Variants in BCAT2 observed in about 807,000 individuals in gnomAD.
The protein encoded by BCAT2 is branched-chain-amino-acid aminotransferase, mitochondrial.
In BCAT2, 44 loss-of-function variants were observed where a neutral mutation model predicts 52.9. That is an observed-to-expected ratio of 0.83 (90% CI 0.65 to 1.07). The LOEUF is 1.07. Among genes scored for constraint, BCAT2 ranks in the 50% least tolerant of loss-of-function variants. BCAT2 has a pLI of 0.00. For synonymous variants in BCAT2, 215 were observed against 217.1 expected (o/e 0.99, Z 0.08); for missense variants, 478 against 521.8 (o/e 0.92, Z 0.82).
chr19:48,806,363 C>A (rs745644575), intron 3 of BCAT2, among the ~76,000 whole-genome samples, 154 bp downstream of exon 3: 39 of 151,776 alleles, frequency 2.6e-4, no homozygotes, highest in Non-Finnish European at 5.9e-5. Context: ...CAAGCATGAG[C>A]CTGGAGCATG....
At chr19:48,796,309 G>C (rs766912564) in intron 10 of BCAT2, 119 bp downstream of exon 10, 45 of 1,291,166 alleles carry the variant, frequency 3.5e-5, no homozygotes, top group Non-Finnish European at 3.7e-5. Context: ...CAATAAGAAA[G>C]GCCATTATCT....
chr19:48,800,187 C>G lies in BCAT2; in HGVS notation c.411G>C (p.Pro137=). 6.2e-7 allele frequency: 1 copy of G among 1,613,300 alleles called. No individual in the cohort carries two copies. ...MLRSAMRLCL[P]SFDKLELLEC... is the part of the protein sequence containing the mutation. ...ACCCCGGTGGACCGGGACCCCTCAC[C>G]GGCAGGCACAGGCGCATGGCTGAGC... Residue 137 remains proline, a splice_region_variant and synonymous_variant, in exon 4 of 11, where the codon CCG becomes CCC. Coordinates refer to ENST00000316273, the MANE Select transcript of BCAT2 (RefSeq NM_001190.4).
At chr19:48,809,363 G>A (rs2034870147) in intron 1 of BCAT2, among the ~76,000 whole-genome samples, 2 of 152,082 alleles carry the variant, frequency 1.3e-5, no homozygotes. Flanking sequence ...ATACAGCCCA[G>A]GAGTATCACC....
chr19:48,798,382 C>T (rs1336327453), intron 6 of BCAT2, among the ~76,000 whole-genome samples: 4 of 152,206 alleles, frequency 2.6e-5, no homozygotes, highest in African/African-American at 9.6e-5. Context: ...TCCCCAGTGC[C>T]CCAGGACAAG....
chr19:48,799,523 A>T lies in BCAT2; in HGVS notation c.695+152T>A. On this transcript the variant is annotated intron_variant, in intron 6 of 10. Transcript: ENST00000316273. The surrounding 1 kb of genome is among the most constrained non-coding windows in gnomAD (Gnocchi z 5.5). ...TTCCTTCCATGGTTTGTTTTCAGGG[A>T]CCAGGGAGGTCACTTAGCACTGAGC... 1 of 973,838 alleles carries T rather than the reference A, an allele frequency of 1.0e-6. No individual in the cohort carries two copies. Among genetic ancestry groups the T allele is most frequent in the Admixed American group, 3.8e-5 (1 of 26,558 alleles). 60.3% of individuals were successfully genotyped at this position (973,838 alleles called of 1,614,324 possible). A position where few individuals can be genotyped will look rare whatever the true frequency, so the allele number is the denominator to read the frequency against.
Position 48,807,776 on chromosome 19 carries a change from G to A in BCAT2, c.25-702C>T, listed in dbSNP as rs181296100. ...ATTACCTGAAATACAAACCCATTTT[G>A]GCAGTGACTCCAATTCCCTTCAGCC... On this transcript the variant is annotated intron_variant, in intron 1 of 10. Coordinates refer to ENST00000316273, the MANE Select transcript of BCAT2 (RefSeq NM_001190.4). This position sits in a 1 kb window ranked among gnomAD's most constrained non-coding sequence, Gnocchi z 4.6. 62 of 985,800 alleles carry A rather than the reference G, an allele frequency of 6.3e-5. No individual in the cohort carries two copies. In the Middle Eastern group the frequency reaches 2.6e-3, roughly 42 times the overall value. The allele number at this position is 985,800 out of a possible 1,614,324, so 61.1% of individuals were successfully genotyped here.
Position 48,807,385 on chromosome 19 carries a change from A to G in BCAT2, c.25-311T>C, listed in dbSNP as rs903281429. On this transcript the variant is annotated intron_variant, in intron 1 of 10. Coordinates refer to ENST00000316273, the MANE Select transcript of BCAT2 (RefSeq NM_001190.4). The surrounding 1 kb of genome is among the most constrained non-coding windows in gnomAD (Gnocchi z 4.6). ...GATCAGCTCAGACAAGAAAACAACC[A>G]GGGAAGGCACACAGGTAAGTGAAGG... The G allele has an allele frequency of 7.6e-5, 22 of 289,596 alleles. No individual in the cohort carries two copies. The highest frequency in any genetic ancestry group is 1.3e-4 in the Non-Finnish European group (20 of 152,476). The allele number at this position is 289,596 out of a possible 1,614,324, so 17.9% of individuals were successfully genotyped here. A position where few individuals can be genotyped will look rare whatever the true frequency, so the allele number is the denominator to read the frequency against.
rs370156243 is a variant in BCAT2 at position 48,795,107 on chromosome 19, G to GAA, written c.*317_*318dup. 5.9e-3 allele frequency: 2,515 copies of GAA among 428,946 alleles called. 49 individuals are homozygous for GAA. The highest frequency in any genetic ancestry group is 0.045 in the African/African-American group (2,250 of 49,536). 26.6% of individuals were successfully genotyped at this position (428,946 alleles called of 1,614,324 possible). On this transcript the variant is annotated 3_prime_UTR_variant, in exon 11 of 11. Coordinates refer to ENST00000316273, the MANE Select transcript of BCAT2 (RefSeq NM_001190.4). ...ATTTCAAAATTGCAGCAAAGACAGA[G>GAA]AAAAAAAAATCAACGGCAGCACCAG...
Position 48,807,224 on chromosome 19 carries a change from AG to A in BCAT2, c.25-151del, listed in dbSNP as rs2034809105. The A allele has an allele frequency of 1.5e-5, 10 of 653,620 alleles. No homozygotes were observed. In the East Asian group the frequency reaches 2.9e-4, roughly 19 times the overall value. 40.5% of individuals were successfully genotyped at this position (653,620 alleles called of 1,614,324 possible). Reference sequence around the variant, plus strand: ...TTCTAGACGGGGCAGGTGGTCCTGAAGGAGGCCAAGTCCCCTCCCTGCCCTG... The same window carrying A: ...TTCTAGACGGGGCAGGTGGTCCTGAAGAGGCCAAGTCCCCTCCCTGCCCTG... On this transcript the variant is annotated intron_variant, in intron 1 of 10. Coordinates refer to ENST00000316273, the MANE Select transcript of BCAT2 (RefSeq NM_001190.4). This position sits in a 1 kb window ranked among gnomAD's most constrained non-coding sequence, Gnocchi z 4.6.
intron 4 of BCAT2, 21 bp downstream of exon 4, chr19:48,800,166 C>CG: frequency 1.9e-6 from 3 of 1,612,744 alleles, no homozygotes; most frequent in Non-Finnish European, 1.7e-6. Context: ...CTCCCCACCC[C>CG]GGTGGACCGG....
chr19:48,795,803 T>C (rs1265062569), intron 10 of BCAT2: 4 of 363,312 alleles, frequency 1.1e-5, no homozygotes, highest in South Asian at 4.3e-5. Flanking sequence ...GCTCTAGGTC[T>C]GGGAAAGGAG....
intron 6 of BCAT2, among the ~76,000 whole-genome samples, chr19:48,798,273 C>T (rs1327443144): frequency 6.6e-6 from 1 of 152,160 alleles, no homozygotes; most frequent in Non-Finnish European, 1.5e-5. Context: ...GCTGGACCTT[C>T]CCTGGACTCC....
chr19:48,804,018 T>C (rs1373154811), intron 3 of BCAT2, among the ~76,000 whole-genome samples: 7 of 151,696 alleles, frequency 4.6e-5, no homozygotes, highest in African/African-American at 7.3e-5. Context: ...AATTAGCCAA[T>C]AGTGGTGCAT....
chr19:48,795,473 C>G lies in BCAT2; in HGVS notation c.1141-9G>C. The stretch of plus-strand genomic sequence containing the variant: ...TGGGCTCTGATTCCGTACTGCGGAA[C>G]AACGGAGGCAGTGCGTGAGGTGGAA... On this transcript the variant is annotated splice_polypyrimidine_tract_variant and intron_variant, in intron 10 of 10. Transcript: ENST00000316273. The G allele has an allele frequency of 6.2e-7, 1 of 1,613,840 alleles. No homozygotes were observed. Among genetic ancestry groups the G allele is most frequent in the African/African-American group, 1.3e-5 (1 of 75,060 alleles).
chr19:48,798,050 G>A (rs2034571292), intron 6 of BCAT2, among the ~76,000 whole-genome samples: 1 of 152,066 alleles, frequency 6.6e-6, no homozygotes, highest in African/African-American at 2.4e-5. Context: ...TTACAAGAGT[G>A]AGCCACAGCG....
In BCAT2 at chr19:48,799,638, G is replaced by A; in HGVS notation, c.695+37C>T. On this transcript the variant is annotated intron_variant, in intron 6 of 10. Transcript: ENST00000316273. The surrounding 1 kb of genome is among the most constrained non-coding windows in gnomAD (Gnocchi z 5.5). ...CTGGTCCCTGTGTCTCCAACGCCCA[G>A]TGCGCCAGTCGTTCTGGGGATGGGG... 1 of 1,527,104 alleles carries A rather than the reference G, an allele frequency of 6.5e-7. No individual in the cohort carries two copies. Among genetic ancestry groups the A allele is most frequent in the Non-Finnish European group, 8.8e-7 (1 of 1,141,910 alleles). The allele number at this position is 1,527,104 out of a possible 1,614,324, so 94.6% of individuals were successfully genotyped here.
At chr19:48,796,104 A>C (rs1193771055) in intron 10 of BCAT2, 1 of 481,994 alleles carries the variant, frequency 2.1e-6, no homozygotes, top group South Asian at 4.1e-5. Flanking sequence ...CCACCAGGGC[A>C]CCCAGGGGCC....
At chr19:48,798,687 C>G (rs984083673) in intron 6 of BCAT2, 12 of 151,694 alleles carry the variant, frequency 7.9e-5, no homozygotes, top group African/African-American at 2.4e-4. Flanking sequence ...TGCAGTGGCG[C>G]GATCTCGGCT....
Position 48,796,646 on chromosome 19 carries a change from G to A in BCAT2, c.997C>T (p.Arg333Trp), listed in dbSNP as rs149621078. ...GCGGTGCCCGAGCCAAAGACTTCCC[G>A]CACGCGGCCCTCCTCCAGGGCCCGC... The part of the protein sequence containing the change: ...LLRALEEGRV[R>W]EVFGSGTACQ... Residue 333 changes from arginine to tryptophan, a missense_variant, in exon 9 of 11, where the codon CGG becomes TGG. Physicochemically the swap from Arg to Trp is moderately radical, Grantham distance 101. Transcript: ENST00000316273. 641 of 1,613,518 alleles carry A rather than the reference G, an allele frequency of 4.0e-4. No individual in the cohort carries two copies. The African/African-American group carries it at 7.1e-3, about 18-fold the overall frequency.
Sources: allele counts gnomAD v4.1 joint callset (sites outside exome capture counted in the v4.1 genomes callset), GRCh38; gene constraint gnomAD v4.1.1; non-coding constraint Gnocchi (gnomAD v3.1); transcripts MANE v1.5; gene names NCBI Gene and HGNC (gene_info 2026-07-23, HGNC 2026-07-21).